DUS4L: variants seen among roughly 807,000 people sequenced by gnomAD.
DUS4L encodes dihydrouridine synthase 4 like, also known as tRNA-dihydrouridine(20a/20b) synthase [NAD(P)+]-like.
In DUS4L, 31 loss-of-function variants were observed where a neutral mutation model predicts 33.8. The ratio of observed to expected loss-of-function variants is 0.92; its 90% confidence interval spans 0.69 to 1.24. The LOEUF (loss-of-function observed/expected upper bound fraction) is 1.24, where lower values mean the gene tolerates loss of function less well. Ranked by LOEUF, DUS4L falls within the 50% of genes most tolerant of loss-of-function variation. DUS4L has a pLI of 0.00. For missense variants in DUS4L, 368 were observed against 388.6 expected, an observed-to-expected ratio of 0.95 and a Z score of 0.45; for synonymous variants, 103 against 120.3, an observed-to-expected ratio of 0.86 and a Z score of 0.94.
chr7:107,575,432 A>T (rs1014674412), intron 6 of DUS4L, 122 bp downstream of exon 6: 2 of 1,073,980 alleles, frequency 1.9e-6, no homozygotes, highest in African/African-American at 3.3e-5. Context: ...TGGTGTATGG[A>T]AATGTTGAAA....
At position 107,578,106 on chromosome 7, in the gene DUS4L, C is replaced by T. The variant is rs1389015400; in HGVS notation, c.*546C>T. 1 of 152,152 alleles carries T rather than the reference C, an allele frequency of 6.6e-6. No homozygotes were observed. Among genetic ancestry groups the T allele is most frequent in the Non-Finnish European group, 1.5e-5 (1 of 68,046 alleles). 9.4% of individuals were successfully genotyped at this position (152,152 alleles called of 1,614,324 possible). The stretch of plus-strand genomic sequence containing the variant: ...TTAAATTTGGTACATTTCAAAACTT[C>T]TAGGTCCTCCAAAGATTGAAAGCTT... On this transcript the variant is annotated 3_prime_UTR_variant, in exon 8 of 8. Transcript: ENST00000265720.
rs1804418385 is a variant in DUS4L at position 107,564,645 on chromosome 7, A to G, written c.-53A>G. ...CAAACTGATAGATGGTCCACATCTC[A>G]ACTAACAGTATTGACGCTGTAAGAG... On this transcript the variant is annotated 5_prime_UTR_variant, in exon 2 of 8. Coordinates refer to ENST00000265720, the MANE Select transcript of DUS4L (RefSeq NM_181581.3). 6.6e-6 allele frequency: 1 copy of G among 152,322 alleles called. No individual in the cohort carries two copies. The highest frequency in any genetic ancestry group is 1.5e-5 in the Non-Finnish European group (1 of 68,114). The allele number at this position is 152,322 out of a possible 1,614,324, so 9.4% of individuals were successfully genotyped here.
chr7:107,566,020 T>TTTCTGAGTATCACTC (rs1804650569), intron 2 of DUS4L, among the ~76,000 whole-genome samples: 1 of 152,214 alleles, frequency 6.6e-6, no homozygotes, highest in Non-Finnish European at 1.5e-5. Context: ...TCTCTCTCGT[T>TTTCTGAGTATCACTC]TTCTGAGTAT....
At chr7:107,576,643 G>C in intron 7 of DUS4L, 51 bp downstream of exon 7, 4 of 1,447,636 alleles carry the variant, frequency 2.8e-6, no homozygotes, top group Non-Finnish European at 3.8e-6. Context: ...AGAAATGAGA[G>C]TGGGGAAGTA....
chr7:107,566,809 G>A (rs772444302), intron 2 of DUS4L, among the ~76,000 whole-genome samples: 4 of 151,514 alleles, frequency 2.6e-5, no homozygotes, highest in Non-Finnish European at 5.9e-5. Flanking sequence ...AAAAAATCTC[G>A]TTTTCTGCAT....
At chr7:107,576,660 A>C in intron 7 of DUS4L, 68 bp downstream of exon 7, 1 of 1,380,514 alleles carries the variant, frequency 7.2e-7, no homozygotes, top group Non-Finnish European at 9.9e-7. Flanking sequence ...AGTAATGTTA[A>C]TTTGATTTTC....
At chr7:107,575,396 G>A in intron 6 of DUS4L, 86 bp downstream of exon 6, 4 of 1,453,166 alleles carry the variant, frequency 2.8e-6, no homozygotes, top group Admixed American at 2.2e-5. Context: ...GCTGTTGGGA[G>A]TATCTATCCT....
chr7:107,570,725 G>C (rs75194040), intron 3 of DUS4L: 2,391 of 194,992 alleles, frequency 0.012, 60 homozygotes, highest in African/African-American at 0.052. Context: ...GAGTAGAACT[G>C]TCTAAAAGTT....
intron 4 of DUS4L, among the ~76,000 whole-genome samples, chr7:107,573,217 G>A (rs1445688897): frequency 6.6e-6 from 1 of 152,134 alleles, no homozygotes; most frequent in Non-Finnish European, 1.5e-5. Flanking sequence ...TTTACCCTAT[G>A]AATATACTCA....
rs1804774491 is a variant in DUS4L at position 107,567,033 on chromosome 7, C to T, written c.-21-17C>T. The T allele has an allele frequency of 6.5e-7, 1 of 1,527,798 alleles. No homozygotes were observed. Among genetic ancestry groups the T allele is most frequent in the African/African-American group, 1.4e-5 (1 of 72,332 alleles). 94.6% of individuals were successfully genotyped at this position (1,527,798 alleles called of 1,614,324 possible). A position where few individuals can be genotyped will look rare whatever the true frequency, so the allele number is the denominator to read the frequency against. On this transcript the variant is annotated splice_polypyrimidine_tract_variant and intron_variant, in intron 2 of 7. Transcript: ENST00000265720. ...TGAAAACATATTTTCTCTATACAAG[C>T]TTATTGTCTTTTTCAGATTTGAAAC... is the stretch of plus-strand genomic sequence containing the variant.
chr7:107,577,600 C>T lies in DUS4L; in HGVS notation c.*40C>T. 6.4e-7 allele frequency: 1 copy of T among 1,574,176 alleles called. No individual in the cohort carries two copies. Among genetic ancestry groups the T allele is most frequent in the African/African-American group, 1.4e-5 (1 of 73,892 alleles). ...TAATTTTAATATATACTTTTAGACC[C>T]ACAGTGAAACCACAGAAGGTCATAT... On this transcript the variant is annotated 3_prime_UTR_variant, in exon 8 of 8. Transcript: ENST00000265720.
chr7:107,572,524 T>G (rs1044336928), intron 4 of DUS4L, among the ~76,000 whole-genome samples: 1 of 152,186 alleles, frequency 6.6e-6, no homozygotes, highest in South Asian at 2.1e-4. Flanking sequence ...CTTTAAAACC[T>G]AGGAAGCTTT....
At chr7:107,568,136 C>T (rs1804883350) in intron 3 of DUS4L, among the ~76,000 whole-genome samples, 4 of 152,162 alleles carry the variant, frequency 2.6e-5, no homozygotes, top group Admixed American at 2.6e-4. Flanking sequence ...TACCCATATA[C>T]AAATACCCAT....
At chr7:107,564,335 ACT>A (rs1804346381) in intron 1 of DUS4L, 126 bp downstream of exon 1, 2 of 368,612 alleles carry the variant, frequency 5.4e-6, no homozygotes, top group African/African-American at 4.3e-5. Flanking sequence ...TGCCCTCCAC[ACT>A]CACAAGAGTC....
intron 3 of DUS4L, among the ~76,000 whole-genome samples, chr7:107,568,287 G>A (rs747463050): frequency 1.3e-5 from 2 of 152,194 alleles, no homozygotes; most frequent in Non-Finnish European, 2.9e-5. Flanking sequence ...GCTGCACCAT[G>A]TTACCTTACC....
At position 107,578,108 on chromosome 7, in the gene DUS4L, A is replaced by G. The variant is rs533252028; in HGVS notation, c.*548A>G. 4 of 152,338 alleles carry G rather than the reference A, an allele frequency of 2.6e-5. No homozygotes were observed. The South Asian group carries it at 8.3e-4, about 32-fold the overall frequency. 9.4% of individuals were successfully genotyped at this position (152,338 alleles called of 1,614,324 possible). A position where few individuals can be genotyped will look rare whatever the true frequency, so the allele number is the denominator to read the frequency against. On this transcript the variant is annotated 3_prime_UTR_variant, in exon 8 of 8. Coordinates refer to ENST00000265720, the MANE Select transcript of DUS4L (RefSeq NM_181581.3). ...AAATTTGGTACATTTCAAAACTTCTAGGTCCTCCAAAGATTGAAAGCTTAA... is the reference window on the plus strand; with the variant it reads ...AAATTTGGTACATTTCAAAACTTCTGGGTCCTCCAAAGATTGAAAGCTTAA...
chr7:107,569,618 A>G (rs1335414125), intron 3 of DUS4L, among the ~76,000 whole-genome samples: 2 of 149,188 alleles, frequency 1.3e-5, no homozygotes, highest in Non-Finnish European at 3.0e-5. Flanking sequence ...TATCATCAGT[A>G]TTGTGTAGTT....
chr7:107,566,676 A>G (rs1804734813), intron 2 of DUS4L, among the ~76,000 whole-genome samples: 2 of 152,218 alleles, frequency 1.3e-5, no homozygotes, highest in Non-Finnish European at 2.9e-5. Flanking sequence ...TCCAAATGCC[A>G]GTCGAGTATC....
At position 107,577,479 on chromosome 7, in the gene DUS4L, A is replaced by G. The variant is rs1263584589; in HGVS notation, c.873A>G (p.Ser291=). Residue 291 remains serine, a synonymous_variant, in exon 8 of 8, where the codon TCA becomes TCG. Transcript: ENST00000265720. ...TGTACATGATGGAAAAGATAACTTC[A>G]AGGCAGGAAAAAAGGGTATTTAATG... is the stretch of plus-strand genomic sequence containing the variant. The part of the protein sequence containing the change: ...HLMYMMEKIT[S]RQEKRVFNAL... The G allele has an allele frequency of 6.2e-7, 1 of 1,614,162 alleles. No individual in the cohort carries two copies. Among genetic ancestry groups the G allele is most frequent in the Admixed American group, 1.7e-5 (1 of 60,026 alleles).
Sources: allele counts gnomAD v4.1 joint callset (sites outside exome capture counted in the v4.1 genomes callset), GRCh38; gene constraint gnomAD v4.1.1; transcripts MANE v1.5; gene names NCBI Gene and HGNC (gene_info 2026-07-23, HGNC 2026-07-21).